WNK4: variants seen among roughly 807,000 people sequenced by gnomAD.
WNK4 encodes the protein WNK lysine deficient protein kinase 4.
A neutral mutation model predicts 116.2 loss-of-function variants in WNK4; 94 were observed. The observed-to-expected ratio is 0.81, with a 90% CI of 0.68 to 0.96. The LOEUF is 0.96. Among genes scored for constraint, WNK4 ranks in the 40% least tolerant of loss-of-function variants. WNK4 has a pLI of 0.00. For missense variants in WNK4, 1,542 were observed against 1,650.6 expected, an observed-to-expected ratio of 0.93 and a Z score of 1.14; for synonymous variants, 655 against 672.7, an observed-to-expected ratio of 0.97 and a Z score of 0.41.
rs2054684694 is a variant in WNK4, at chr17:42,796,987, GC to G, written c.*302del. On this transcript the variant is annotated 3_prime_UTR_variant, in exon 19 of 19. Coordinates refer to ENST00000246914, the MANE Select transcript of WNK4 (RefSeq NM_032387.5). ...CCCAAGCCTGGATGCTTCTAGAGGG[GC>G]CCACTCCCAGCTGGGAGAGTGTAGG... 1 of 545,432 alleles carries G rather than the reference GC, an allele frequency of 1.8e-6. No individual in the cohort carries two copies. The highest frequency in any genetic ancestry group is 3.2e-5 in the East Asian group (1 of 31,242). The allele number at this position is 545,432 out of a possible 1,614,324, so 33.8% of individuals were successfully genotyped here. A position where few individuals can be genotyped will look rare whatever the true frequency, so the allele number is the denominator to read the frequency against.
rs548694569 is a variant in WNK4 at position 42,795,184 on chromosome 17, C to G, written c.2763C>G (p.Ala921=). Residue 921 remains alanine (A), a synonymous_variant, in exon 14 of 19, where the codon GCC becomes GCG. Coordinates refer to ENST00000246914, the MANE Select transcript of WNK4 (RefSeq NM_032387.5). The part of the protein sequence containing the change: ...STSSFPSTTA[A]PLLSLASAFS... ...CTTCCTTCCCCTCCACCACAGCAGCCCCTCTCCTTTCTCTGGCTAGTGCCT... is the reference window on the plus strand; with the variant it reads ...CTTCCTTCCCCTCCACCACAGCAGCGCCTCTCCTTTCTCTGGCTAGTGCCT... The G allele has an allele frequency of 1.2e-6, 2 of 1,614,026 alleles. No individual in the cohort carries two copies. The highest frequency in any genetic ancestry group is 1.7e-6 in the Non-Finnish European group (2 of 1,180,000).
rs1357153385 is a variant in WNK4, at chr17:42,794,599, C to T, written c.2296-15C>T. 1 of 1,613,858 alleles carries T rather than the reference C, an allele frequency of 6.2e-7. No homozygotes were observed. The highest frequency in any genetic ancestry group is 1.7e-5 in the Admixed American group (1 of 60,020). On this transcript the variant is annotated splice_polypyrimidine_tract_variant and intron_variant, in intron 12 of 18. Coordinates refer to ENST00000246914, the MANE Select transcript of WNK4 (RefSeq NM_032387.5). Reference sequence around the variant, plus strand: ...TCTTCCCCACTGTGACTGCGGACTCCTTTTTCTGCCTCAGGAGGAGCCAGC... The same window carrying T: ...TCTTCCCCACTGTGACTGCGGACTCTTTTTTCTGCCTCAGGAGGAGCCAGC...
Position 42,788,356 on chromosome 17 carries a change from C to G in WNK4, c.1989C>G (p.Pro663=). 6.2e-7 allele frequency: 1 copy of G among 1,613,732 alleles called. No homozygotes were observed. ...VGEGMGQMRR[P]PGRNLRRRPR... is the part of the protein sequence containing the mutation. ...AAGGGATGGGACAAATGAGGAGACC[C>G]CCAGGGAGGAATCTCCGGCGCAGAC... The change falls in exon 10 of 19, where the codon CCC becomes CCG. Residue 663 remains proline, a synonymous_variant. Transcript: ENST00000246914.
At chr17:42,783,692 C>T (rs2054508878) in intron 2 of WNK4, 2 of 582,484 alleles carry the variant, frequency 3.4e-6, no homozygotes, top group African/African-American at 3.7e-5. Context: ...CCTGCGCTCC[C>T]ACAGCACCTT....
Position 42,795,689 on chromosome 17 carries a change from TC to T in WNK4, c.3090del (p.Leu1031CysfsTer73), listed in dbSNP as rs1382357348. On this transcript the variant is annotated frameshift_variant, in exon 16 of 19. Transcript: ENST00000246914. LOFTEE classifies it high-confidence loss of function. ...TSSKEPAEPL[P>X]LQPTSPTLSG... is the part of the protein sequence containing the mutation. ...CATCCAAGGAACCGGCTGAGCCTCT[TC>T]CCTTGCAGCCAACATCCCCCACTCT... is the stretch of plus-strand genomic sequence containing the variant. 6.2e-7 allele frequency: 1 copy of T among 1,613,204 alleles called. No individual in the cohort carries two copies. The highest frequency in any genetic ancestry group is 1.1e-5 in the South Asian group (1 of 91,078).
chr17:42,786,872 CAT>C (rs1473208076), intron 6 of WNK4, among the ~76,000 whole-genome samples: 1 of 152,156 alleles, frequency 6.6e-6, no homozygotes, highest in African/African-American at 2.4e-5. Flanking sequence ...GCACTGTTGA[CAT>C]GTTTGTTTTA....
At position 42,795,687 on chromosome 17, in the gene WNK4, C is replaced by T; in HGVS notation, c.3085C>T (p.Leu1029Phe). The T allele has an allele frequency of 1.9e-6, 3 of 1,613,316 alleles. No homozygotes were observed. Among genetic ancestry groups the T allele is most frequent in the Non-Finnish European group, 2.5e-6 (3 of 1,180,040 alleles). ...VTSSKEPAEP[L>F]PLQPTSPTLS... ...TTCATCCAAGGAACCGGCTGAGCCT[C>T]TTCCCTTGCAGCCAACATCCCCCAC... The change falls in exon 16 of 19, where the codon CTT (leucine) becomes TTT (phenylalanine). Residue 1029 changes from leucine to phenylalanine, a missense_variant. Coordinates refer to ENST00000246914, the MANE Select transcript of WNK4 (RefSeq NM_032387.5).
In WNK4 at chr17:42,785,440, C is replaced by G; in HGVS notation, c.1434C>G (p.Phe478Leu). 6.4e-7 allele frequency: 1 copy of G among 1,557,512 alleles called. No individual in the cohort carries two copies. The highest frequency in any genetic ancestry group is 2.4e-5 in the East Asian group (1 of 41,576). ...PRDNQAIEFL[F>L]QLGRDAAEEV... ...ACAACCAGGCCATCGAGTTCCTGTT[C>G]CAGCTGGGCCGGGACGCGGCCGAGG... Residue 478 changes from phenylalanine (F) to leucine (L), a missense_variant, in exon 6 of 19, where the codon TTC becomes TTG. Around this residue, in one of 7 missense-constraint regions of WNK4, gnomAD observed 808 missense variants for 873.6 expected, o/e 0.92. Transcript: ENST00000246914.
At chr17:42,786,237 A>T (rs796828923) in intron 6 of WNK4, among the ~76,000 whole-genome samples, 7 of 152,304 alleles carry the variant, frequency 4.6e-5, no homozygotes, top group African/African-American at 1.4e-4. Context: ...TCAGATTTTA[A>T]ATCAGGTTAC....
chr17:42,794,793 C>G lies in WNK4; in HGVS notation c.2372C>G (p.Ser791Cys), dbSNP rs766132275. 20 of 1,613,888 alleles carry G rather than the reference C, an allele frequency of 1.2e-5. No homozygotes were observed. The highest frequency in any genetic ancestry group is 1.6e-5 in the Non-Finnish European group (19 of 1,180,006). The change falls in exon 14 of 19, where the codon TCC becomes TGC. Residue 791 changes from serine to cysteine, a missense_variant. By Grantham distance (112) the Ser-to-Cys change is moderately radical (BLOSUM62 -1). Around this residue, in one of 7 missense-constraint regions of WNK4, gnomAD observed 808 missense variants for 873.6 expected, o/e 0.92. Transcript: ENST00000246914. ...PSNEELQSSTSLEHRSWTAFS... is the reference protein window; with the variant it reads ...PSNEELQSSTCLEHRSWTAFS... ...CCAGAAGAGCTCCAGAGCAGCACCT[C>G]CCTGGAGCACAGGAGCTGGACAGCC...
chr17:42,790,212 T>TA (rs1180327274), intron 11 of WNK4, among the ~76,000 whole-genome samples: 1 of 152,100 alleles, frequency 6.6e-6, no homozygotes, highest in Admixed American at 6.6e-5. Flanking sequence ...GAAAATAAGT[T>TA]ACTCTGTAAT....
intron 6 of WNK4, among the ~76,000 whole-genome samples, chr17:42,786,935 T>A (rs2054555397): frequency 6.6e-6 from 1 of 152,176 alleles, no homozygotes; most frequent in Non-Finnish European, 1.5e-5. Flanking sequence ...TGGCTTCCGC[T>A]CACTAGATTC....
At chr17:42,790,988 C>A (rs1438901971) in intron 11 of WNK4, among the ~76,000 whole-genome samples, 1 of 152,148 alleles carries the variant, frequency 6.6e-6, no homozygotes, top group Admixed American at 6.5e-5. Context: ...TTCCATCCAG[C>A]CACACTGGTT....
At chr17:42,786,284 C>T (rs919204405) in intron 6 of WNK4, among the ~76,000 whole-genome samples, 4 of 152,130 alleles carry the variant, frequency 2.6e-5, no homozygotes, top group African/African-American at 9.7e-5. Context: ...GCAAAGCTTG[C>T]GGCTAAAAGG....
At chr17:42,791,652 A>G (rs1182854431) in intron 11 of WNK4, among the ~76,000 whole-genome samples, 2 of 149,426 alleles carry the variant, frequency 1.3e-5, no homozygotes, top group Non-Finnish European at 3.0e-5. Context: ...AAAAAAAAAA[A>G]GAAGAAAGAA....
rs112159075 is a variant in WNK4 at position 42,791,639 on chromosome 17, CAAAAAAA to C, written c.2158-1946_2158-1940del. Among the ~76,000 whole-genome samples the C allele has an allele frequency of 4.3e-3, 519 of 119,444 alleles. 5 individuals are homozygous for C. The highest frequency in any genetic ancestry group is 4.7e-3 in the Non-Finnish European group (263 of 56,548). 78.4% of individuals were successfully genotyped at this position (119,444 alleles called of 152,430 possible). A position where few individuals can be genotyped will look rare whatever the true frequency, so the allele number is the denominator to read the frequency against. On this transcript the variant is annotated intron_variant, in intron 11 of 18. Coordinates refer to ENST00000246914, the MANE Select transcript of WNK4 (RefSeq NM_032387.5). ...GGGCAACAAGAGCGAAACTCTGTCT[CAAAAAAA>C]AAAAAAGAAGAAAGAAAGAAAGATT...
At chr17:42,788,646 T>G in intron 10 of WNK4, 35 bp from the exon 11 acceptor site, 3 of 1,544,242 alleles carry the variant, frequency 1.9e-6, no homozygotes, top group Non-Finnish European at 2.7e-6. Context: ...GAAGAGGGCT[T>G]GACCTTCTCC....
Position 42,788,288 on chromosome 17 carries a change from A to G in WNK4, c.1923-2A>G, listed in dbSNP as rs1347415138. On this transcript the variant is annotated splice_acceptor_variant, in intron 9 of 18. Coordinates refer to ENST00000246914, the MANE Select transcript of WNK4 (RefSeq NM_032387.5). LOFTEE classifies it high-confidence loss of function. ...TCATTCTCTCTCCTTTCTCTTTAAC[A>G]GCTATGCCTCAGATGCAGCTTCAGG... is the stretch of plus-strand genomic sequence containing the variant. 1 of 1,614,006 alleles carries G rather than the reference A, an allele frequency of 6.2e-7. No individual in the cohort carries two copies. The highest frequency in any genetic ancestry group is 2.2e-5 in the East Asian group (1 of 44,864).
Position 42,795,088 on chromosome 17 carries a change from A to G in WNK4, c.2667A>G (p.Pro889=), listed in dbSNP as rs762120738. The part of the protein sequence containing the change: ...CPWSSLPTTS[P]PTFSPTCSQV... ...GGAGTTCTCTCCCCACGACTTCTCC[A>G]CCTACGTTCTCTCCCACTTGTTCTC... Residue 889 remains proline, a synonymous_variant, in exon 14 of 19, where the codon CCA becomes CCG. Coordinates refer to ENST00000246914, the MANE Select transcript of WNK4 (RefSeq NM_032387.5). 1.2e-6 allele frequency: 2 copies of G among 1,613,352 alleles called. No homozygotes were observed. Among genetic ancestry groups the G allele is most frequent in the African/African-American group, 2.7e-5 (2 of 74,724 alleles).
Sources: allele counts gnomAD v4.1 joint callset (sites outside exome capture counted in the v4.1 genomes callset), GRCh38; gene constraint gnomAD v4.1.1; regional missense constraint gnomAD v4.1.1; transcripts MANE v1.5; gene names NCBI Gene and HGNC (gene_info 2026-07-23, HGNC 2026-07-21).